The following TMPRSS11A variants were observed in gnomAD, a reference collection of about 807,000 sequenced individuals.
TMPRSS11A encodes the protein transmembrane serine protease 11A.
A neutral mutation model predicts 58.9 loss-of-function variants in TMPRSS11A; 53 were observed. That is an observed-to-expected ratio of 0.90 (90% CI 0.72 to 1.13). TMPRSS11A has a LOEUF of 1.13. Among genes scored for constraint, TMPRSS11A ranks in the 50% most tolerant of loss-of-function variants. TMPRSS11A has a pLI of 0.00. For missense variants in TMPRSS11A, 493 were observed against 499.3 expected, an observed-to-expected ratio of 0.99 and a Z score of 0.12; for synonymous variants, 167 against 169.8, an observed-to-expected ratio of 0.98 and a Z score of 0.13.
At chr4:67,920,755 T>C (rs1254192561) in intron 7 of TMPRSS11A, among the ~76,000 whole-genome samples, 1 of 151,948 alleles carries the variant, frequency 6.6e-6, no homozygotes, top group Non-Finnish European at 1.5e-5. Context: ...CCATTAGTTA[T>C]TTTTCCTGAT....
intron 9 of TMPRSS11A, 32 bp downstream of exon 9, chr4:67,914,556 G>T: frequency 1.2e-6 from 2 of 1,601,642 alleles, no homozygotes; most frequent in Non-Finnish European, 1.7e-6. Context: ...AAATTTTTGA[G>T]TTAGTAATAT....
At chr4:67,924,089 T>C (rs772919150) in intron 6 of TMPRSS11A, 39 bp downstream of exon 6, 25 of 1,569,568 alleles carry the variant, frequency 1.6e-5, no homozygotes, top group Non-Finnish European at 2.2e-5. Flanking sequence ...CTTTCTGATG[T>C]GAAAATTGAA....
At chr4:67,946,304 T>G in intron 2 of TMPRSS11A, 146 bp downstream of exon 2, 3 of 721,056 alleles carry the variant, frequency 4.2e-6, no homozygotes, top group Non-Finnish European at 4.1e-6. Context: ...TGTTTGTTGA[T>G]GAAATGACTG....
chr4:67,912,314 A>G (rs1445026979), intron 9 of TMPRSS11A, among the ~76,000 whole-genome samples: 8 of 152,006 alleles, frequency 5.3e-5, no homozygotes, highest in Non-Finnish European at 1.0e-4. Context: ...ACATACACAC[A>G]TACACATACA....
intron 9 of TMPRSS11A, 139 bp downstream of exon 9, chr4:67,914,449 G>T (rs1720091403): frequency 2.9e-6 from 2 of 686,396 alleles, no homozygotes; most frequent in Admixed American, 3.1e-5. Context: ...AAAGTATTTT[G>T]TGCTGTGAAA....
intron 5 of TMPRSS11A, among the ~76,000 whole-genome samples, chr4:67,926,123 TAGGCAGTG>T (rs1720460090): frequency 6.6e-6 from 1 of 152,216 alleles, no homozygotes; most frequent in Non-Finnish European, 1.5e-5. Context: ...ATCTGACACA[TAGGCAGTG>T]AGCTGCTTGA....
intron 1 of TMPRSS11A, among the ~76,000 whole-genome samples, chr4:67,954,819 C>T (rs1005757720): frequency 1.3e-5 from 2 of 152,006 alleles, no homozygotes; most frequent in African/African-American, 4.8e-5. Context: ...AGCATTTGGC[C>T]CTTTTGTGTC....
At chr4:67,921,342 C>G (rs1720324957) in intron 7 of TMPRSS11A, among the ~76,000 whole-genome samples, 1 of 152,094 alleles carries the variant, frequency 6.6e-6, no homozygotes, top group Admixed American at 6.6e-5. Flanking sequence ...AAATATATTA[C>G]TATTTTTTTA....
At chr4:67,912,234 A>G (rs1227023190) in intron 9 of TMPRSS11A, among the ~76,000 whole-genome samples, 1 of 152,036 alleles carries the variant, frequency 6.6e-6, no homozygotes, top group African/African-American at 2.4e-5. Context: ...AGGACATCAG[A>G]TAGCTTGTTA....
At chr4:67,912,268 G>A (rs1242102297) in intron 9 of TMPRSS11A, among the ~76,000 whole-genome samples, 1 of 146,322 alleles carries the variant, frequency 6.8e-6, no homozygotes, top group African/African-American at 2.6e-5. Context: ...CTCTGAAGCT[G>A]TTCCACCATA....
At chr4:67,954,591 T>C (rs1200400225) in intron 1 of TMPRSS11A, among the ~76,000 whole-genome samples, 1 of 152,272 alleles carries the variant, frequency 6.6e-6, no homozygotes, top group African/African-American at 2.4e-5. Context: ...TTTATCATCC[T>C]AGCTTATAGC....
chr4:67,944,783 A>C, intron 2 of TMPRSS11A, 146 bp from the exon 3 acceptor site: 1 of 655,324 alleles, frequency 1.5e-6, no homozygotes, highest in Non-Finnish European at 2.5e-6. Flanking sequence ...TTAATGTTTT[A>C]TATCAATTAT....
chr4:67,924,221 C>T (rs1720404709), intron 5 of TMPRSS11A, 55 bp from the exon 6 acceptor site: 2 of 1,465,668 alleles, frequency 1.4e-6, no homozygotes, highest in Admixed American at 1.7e-5. Context: ...TGGTTGGTCT[C>T]AATGACCAGG....
intron 1 of TMPRSS11A, among the ~76,000 whole-genome samples, chr4:67,954,687 A>G (rs1721241470): frequency 6.6e-6 from 1 of 152,254 alleles, no homozygotes; most frequent in South Asian, 2.1e-4. Context: ...TTAATGTGAC[A>G]TGAGTGAACG....
chr4:67,940,844 A>G (rs1720865137), intron 3 of TMPRSS11A, among the ~76,000 whole-genome samples: 1 of 152,286 alleles, frequency 6.6e-6, no homozygotes, highest in African/African-American at 2.4e-5. Context: ...TTCTCCTTTC[A>G]TAAGTATTTG....
chr4:67,960,829 G>C (rs926794246), intron 1 of TMPRSS11A, among the ~76,000 whole-genome samples: 8 of 152,150 alleles, frequency 5.3e-5, no homozygotes, highest in African/African-American at 1.4e-4. Context: ...AGGTGATGAG[G>C]AAGAGGAGAA....
At chr4:67,915,276 A>T (rs141637038) in intron 8 of TMPRSS11A, among the ~76,000 whole-genome samples, 1 of 152,284 alleles carries the variant, frequency 6.6e-6, no homozygotes, top group East Asian at 1.9e-4. Flanking sequence ...GTGGCTGCAG[A>T]CTGTAAGCTA....
At chr4:67,945,926 T>C (rs1479073936) in intron 2 of TMPRSS11A, among the ~76,000 whole-genome samples, 1 of 152,190 alleles carries the variant, frequency 6.6e-6, no homozygotes, top group Non-Finnish European at 1.5e-5. Flanking sequence ...TTTTTTTCTC[T>C]AAAAATAAAT....
intron 3 of TMPRSS11A, among the ~76,000 whole-genome samples, chr4:67,936,353 C>A (rs1169219426): frequency 1.6e-5 from 2 of 128,850 alleles, no homozygotes; most frequent in South Asian, 4.8e-4. Flanking sequence ...TTTTTTGGAT[C>A]CAAGAAGTCA....
Sources: gnomAD v4.1 joint callset for allele counts (sites outside exome capture counted in the v4.1 genomes callset) on GRCh38, gnomAD v4.1.1 for gene constraint, MANE v1.5 for transcripts, NCBI Gene and HGNC (gene_info 2026-07-23, HGNC 2026-07-21) for gene names.